Variants in MED27 observed in about 807,000 individuals in gnomAD.
The protein encoded by MED27 is mediator complex subunit 27.
MED27 carries 30 observed loss-of-function variants against 38.2 expected under a neutral mutation model. The observed-to-expected ratio is 0.79, with a 90% CI of 0.59 to 1.07. The LOEUF is 1.07. MED27 is among the 50% of genes least tolerant of loss of function. The probability of loss-of-function intolerance (pLI) is 0.00; values close to 1 mark genes in which losing one functional copy is unlikely to be tolerated. For synonymous variants in MED27, 122 were observed against 153.5 expected (o/e 0.79, Z 1.52); for missense variants, 289 against 397.5 (o/e 0.73, Z 2.32).
intron 3 of MED27, among the ~76,000 whole-genome samples, chr9:131,967,712 G>C (rs1247310361): frequency 6.7e-6 from 1 of 150,182 alleles, no homozygotes; most frequent in Non-Finnish European, 1.5e-5. Context: ...ATGTTGGTCA[G>C]GCTGGTCTCA....
chr9:132,004,900 C>T (rs147808916), intron 3 of MED27, among the ~76,000 whole-genome samples: 2 of 152,262 alleles, frequency 1.3e-5, no homozygotes, highest in Non-Finnish European at 1.5e-5. Context: ...AAGACTAGGC[C>T]GTAAAAGAGA....
intron 4 of MED27, among the ~76,000 whole-genome samples, chr9:131,919,362 G>C (rs1054828513): frequency 2.6e-5 from 4 of 152,146 alleles, no homozygotes; most frequent in Non-Finnish European, 5.9e-5. Context: ...GCTACAGGGA[G>C]GTTGGAGACT....
At chr9:131,894,800 C>T (rs889061211) in intron 4 of MED27, among the ~76,000 whole-genome samples, 11 of 152,012 alleles carry the variant, frequency 7.2e-5, no homozygotes, top group Non-Finnish European at 1.0e-4. Flanking sequence ...AATTTTATCC[C>T]CAATGTGGTG....
intron 2 of MED27, among the ~76,000 whole-genome samples, chr9:132,015,118 T>C (rs1289924604): frequency 6.6e-6 from 1 of 152,218 alleles, no homozygotes; most frequent in Non-Finnish European, 1.5e-5. Flanking sequence ...ATACTATCAG[T>C]CTGCATTCAG....
chr9:131,911,753 T>C (rs1272663336), intron 4 of MED27, among the ~76,000 whole-genome samples: 1 of 152,226 alleles, frequency 6.6e-6, no homozygotes, highest in Non-Finnish European at 1.5e-5. Context: ...AACGTATTCA[T>C]TAAACAGGTG....
At chr9:131,988,105 T>A (rs941691061) in intron 3 of MED27, among the ~76,000 whole-genome samples, 1 of 152,254 alleles carries the variant, frequency 6.6e-6, no homozygotes, top group Non-Finnish European at 1.5e-5. Flanking sequence ...AATCATGGTA[T>A]TAAAAACCTA....
chr9:132,013,634 C>G (rs928303153), intron 3 of MED27, among the ~76,000 whole-genome samples: 1 of 152,148 alleles, frequency 6.6e-6, no homozygotes, highest in Non-Finnish European at 1.5e-5. Flanking sequence ...CTAATCTCAG[C>G]TCTAGCAGGT....
intron 2 of MED27, among the ~76,000 whole-genome samples, chr9:132,023,081 C>T (rs1392387253): frequency 6.6e-6 from 1 of 152,154 alleles, no homozygotes; most frequent in East Asian, 1.9e-4. Flanking sequence ...CTAATAGGCA[C>T]TTGAGCATTT....
chr9:132,074,125 G>A (rs1306123492), intron 2 of MED27, among the ~76,000 whole-genome samples: 1 of 152,154 alleles, frequency 6.6e-6, no homozygotes, highest in East Asian at 1.9e-4. Flanking sequence ...AGTCAAGAAA[G>A]CTTGTCATCC....
Position 131,860,376 on chromosome 9 carries a change from T to G in MED27, c.*162A>C. On this transcript the variant is annotated 3_prime_UTR_variant, in exon 8 of 8. Coordinates refer to ENST00000292035, the MANE Select transcript of MED27 (RefSeq NM_004269.4). The surrounding 1 kb of genome is among the most constrained non-coding windows in gnomAD (Gnocchi z 5.8). ...TTAGTCCCATCAGCCACAGAGGGAGTCTGCTCTTCAAGAGTGGCCTCTGCA... is the reference window on the plus strand; with the variant it reads ...TTAGTCCCATCAGCCACAGAGGGAGGCTGCTCTTCAAGAGTGGCCTCTGCA... 1.3e-6 allele frequency: 1 copy of G among 740,930 alleles called. No individual in the cohort carries two copies. Among genetic ancestry groups the G allele is most frequent in the Non-Finnish European group, 2.0e-6 (1 of 498,214 alleles). 45.9% of individuals were successfully genotyped at this position (740,930 alleles called of 1,614,324 possible).
chr9:131,895,915 T>TG (rs1417022277), intron 4 of MED27, among the ~76,000 whole-genome samples: 1 of 151,938 alleles, frequency 6.6e-6, no homozygotes, highest in East Asian at 1.9e-4. Context: ...TTTTTTTTTT[T>TG]TGAGGCGAAG....
At chr9:132,002,787 C>T (rs1345618647) in intron 3 of MED27, among the ~76,000 whole-genome samples, 3 of 151,774 alleles carry the variant, frequency 2.0e-5, no homozygotes, top group Non-Finnish European at 4.4e-5. Flanking sequence ...CGGTGGTGCA[C>T]GCCTGTAATC....
chr9:132,052,180 G>A (rs868626255), intron 2 of MED27, among the ~76,000 whole-genome samples: 7 of 152,102 alleles, frequency 4.6e-5, no homozygotes, highest in African/African-American at 9.7e-5. Flanking sequence ...TGACAAGGTC[G>A]CCTCAAGACA....
chr9:131,964,348 A>ATGGTGGTGGTGATGGT (rs1831291993), intron 3 of MED27, among the ~76,000 whole-genome samples: 1 of 99,128 alleles, frequency 1.0e-5, no homozygotes, highest in Non-Finnish European at 2.1e-5. Flanking sequence ...GTGGTGGTGG[A>ATGGTGGTGGTGATGGT]GGTGATGGTA....
At chr9:131,967,707 G>A (rs1488426112) in intron 3 of MED27, among the ~76,000 whole-genome samples, 6 of 150,056 alleles carry the variant, frequency 4.0e-5, no homozygotes, top group African/African-American at 1.2e-4. Flanking sequence ...TCTTCATGTT[G>A]GTCAGGCTGG....
intron 6 of MED27, chr9:131,869,504 C>T (rs1372674066): frequency 2.5e-6 from 2 of 801,308 alleles, no homozygotes; most frequent in Non-Finnish European, 3.0e-6. Flanking sequence ...ATAAAAGCCG[C>T]CCTCCCCCTT....
At chr9:131,963,595 T>A (rs1415090929) in intron 3 of MED27, among the ~76,000 whole-genome samples, 4 of 152,216 alleles carry the variant, frequency 2.6e-5, no homozygotes, top group Admixed American at 2.6e-4. Flanking sequence ...AGGTTTCAGA[T>A]CCTTCATGCC....
chr9:132,033,383 C>T (rs1833005724), intron 2 of MED27, among the ~76,000 whole-genome samples: 1 of 152,222 alleles, frequency 6.6e-6, no homozygotes, highest in Admixed American at 6.5e-5. Context: ...GCTCAAAAAG[C>T]ACCATTAAAA....
In MED27 at chr9:131,889,379, G is replaced by A. The variant is rs771285595; in HGVS notation, c.681+4506C>T. The stretch of plus-strand genomic sequence containing the variant: ...CTAAATCCCCCAAAAAGTTAAATTC[G>A]AACGAGACACATTTTTTTTTCAGTT... On this transcript the variant is annotated intron_variant, in intron 5 of 7. Coordinates refer to ENST00000292035, the MANE Select transcript of MED27 (RefSeq NM_004269.4). This position sits in a 1 kb window ranked among gnomAD's most constrained non-coding sequence, Gnocchi z 4.2. Among the ~76,000 whole-genome samples the A allele has an allele frequency of 7.9e-5, 12 of 152,070 alleles. No homozygotes were observed. The highest frequency in any genetic ancestry group is 1.2e-4 in the African/African-American group (5 of 41,394).
Sources: allele counts gnomAD v4.1 joint callset (sites outside exome capture counted in the v4.1 genomes callset), GRCh38; gene constraint gnomAD v4.1.1; non-coding constraint Gnocchi (gnomAD v3.1); transcripts MANE v1.5; gene names NCBI Gene and HGNC (gene_info 2026-07-23, HGNC 2026-07-21).